Variants in NCEH1 observed in about 807,000 individuals in gnomAD.
NCEH1 encodes the protein 2-acetyl MAGE hydrolase.
In NCEH1, 9 loss-of-function variants were observed where a neutral mutation model predicts 25.4. The observed-to-expected ratio is 0.35, with a 90% CI of 0.21 to 0.62. The LOEUF is 0.62. Ranked by LOEUF, NCEH1 falls within the 20% of genes least tolerant of loss-of-function variation. The pLI is 0.72. For missense variants in NCEH1, 412 were observed against 501.1 expected (o/e 0.82, Z 1.70); for synonymous variants, 200 against 199.8 (o/e 1.00, Z -0.01).
intron 1 of NCEH1, among the ~76,000 whole-genome samples, chr3:172,676,765 G>A (rs1220359983): frequency 2.0e-5 from 3 of 152,080 alleles, no homozygotes; most frequent in Non-Finnish European, 1.5e-5. Context: ...TTCAGTCATC[G>A]GAGCCATGTC....
chr3:172,650,313 G>A (rs1047953024), intron 1 of NCEH1, among the ~76,000 whole-genome samples: 2 of 152,012 alleles, frequency 1.3e-5, no homozygotes, highest in African/African-American at 4.8e-5. Context: ...GACCAGCCTG[G>A]CCAACATGGT....
intron 1 of NCEH1, among the ~76,000 whole-genome samples, chr3:172,650,811 CGA>C (rs1491497026): frequency 2.3e-4 from 21 of 89,984 alleles, no homozygotes; most frequent in African/African-American, 1.0e-3. Flanking sequence ...GACTCTGCCT[CGA>C]AAAAAAAAAA....
At chr3:172,694,040 C>T (rs374355232) in intron 1 of NCEH1, among the ~76,000 whole-genome samples, 1 of 152,120 alleles carries the variant, frequency 6.6e-6, no homozygotes, top group Non-Finnish European at 1.5e-5. Flanking sequence ...ACTATAGGCA[C>T]GTGCCACCAC....
chr3:172,682,052 A>G (rs541421180), intron 1 of NCEH1, among the ~76,000 whole-genome samples: 1 of 152,354 alleles, frequency 6.6e-6, no homozygotes, highest in African/African-American at 2.4e-5. Context: ...GAACACAAGG[A>G]AAACACTATT....
At chr3:172,699,375 T>C (rs1434163529) in intron 1 of NCEH1, among the ~76,000 whole-genome samples, 2 of 152,192 alleles carry the variant, frequency 1.3e-5, no homozygotes, top group Non-Finnish European at 2.9e-5. Context: ...TTAGCACTTT[T>C]ATTCTACAGG....
chr3:172,635,816 C>A (rs1577049383), intron 4 of NCEH1, 100 bp downstream of exon 4: 1 of 1,134,900 alleles, frequency 8.8e-7, no homozygotes, highest in East Asian at 2.4e-5. Flanking sequence ...GACCGGCCCA[C>A]CCAGCTATGC....
chr3:172,646,234 A>G (rs1717115228), intron 2 of NCEH1, among the ~76,000 whole-genome samples: 2 of 152,190 alleles, frequency 1.3e-5, no homozygotes, highest in Admixed American at 6.5e-5. Context: ...GCACGCCTGC[A>G]GTCCCAGTTG....
chr3:172,657,268 G>C (rs1456567077), intron 1 of NCEH1, among the ~76,000 whole-genome samples: 1 of 152,050 alleles, frequency 6.6e-6, no homozygotes, highest in Non-Finnish European at 1.5e-5. Context: ...TCTTTCTCAA[G>C]CTTCCATACA....
chr3:172,676,199 G>A (rs983829874), intron 1 of NCEH1, among the ~76,000 whole-genome samples: 1 of 152,152 alleles, frequency 6.6e-6, no homozygotes, highest in Non-Finnish European at 1.5e-5. Flanking sequence ...AGGCTAAAAG[G>A]AGTTCTTGGT....
In NCEH1 at chr3:172,699,152, G is replaced by A. The variant is rs75539236; in HGVS notation, c.138+11695C>T. Among the ~76,000 whole-genome samples, 675 of 152,222 alleles carry A rather than the reference G, an allele frequency of 4.4e-3. 5 individuals are homozygous for A. Among genetic ancestry groups the A allele is most frequent in the South Asian group, 0.044 (210 of 4,824 alleles). On this transcript the variant is annotated intron_variant, in intron 1 of 4. Transcript: ENST00000475381. ...AGGGCAGTGAGAGGGAAAGAGACGG[G>A]GAAGTTCTCAAAAGAGATGATTTCT...
chr3:172,692,817 G>C (rs543483066), intron 1 of NCEH1, among the ~76,000 whole-genome samples: 3 of 152,324 alleles, frequency 2.0e-5, no homozygotes, highest in South Asian at 2.1e-4. Flanking sequence ...AGGTGGGCTA[G>C]TCCCACCCAT....
At chr3:172,682,371 T>G (rs117284549) in intron 1 of NCEH1, among the ~76,000 whole-genome samples, 2,882 of 152,268 alleles carry the variant, frequency 0.019, 123 homozygotes, top group Admixed American at 0.071. Context: ...TGTACTTCAA[T>G]TGTCCTACAC....
At chr3:172,693,008 C>T (rs931445099) in intron 1 of NCEH1, among the ~76,000 whole-genome samples, 6 of 152,306 alleles carry the variant, frequency 3.9e-5, no homozygotes, top group Admixed American at 2.6e-4. Flanking sequence ...GCCAGCACTT[C>T]CTCTGGGTTC....
intron 1 of NCEH1, among the ~76,000 whole-genome samples, chr3:172,689,018 T>G (rs1031550248): frequency 9.9e-5 from 15 of 152,206 alleles, no homozygotes; most frequent in African/African-American, 3.6e-4. Flanking sequence ...ACTAAACTTT[T>G]GTTTTGTTCT....
At chr3:172,675,432 A>T (rs529262094) in intron 1 of NCEH1, among the ~76,000 whole-genome samples, 20 of 144,126 alleles carry the variant, frequency 1.4e-4, no homozygotes, top group Admixed American at 4.2e-4. Context: ...TATAATTTTT[A>T]AAAAATTTTA....
intron 1 of NCEH1, among the ~76,000 whole-genome samples, chr3:172,675,302 C>CAAATAAATAAATAAATAAATAAAT (rs56201640): frequency 7.0e-5 from 10 of 142,392 alleles, no homozygotes; most frequent in African/African-American, 2.5e-4. Flanking sequence ...GATCCTGTCT[C>CAAATAAATAAATAAATAAATAAAT]AAATAAATAA....
intron 1 of NCEH1, among the ~76,000 whole-genome samples, chr3:172,673,800 A>C (rs932807991): frequency 2.6e-5 from 4 of 152,178 alleles, no homozygotes; most frequent in African/African-American, 9.7e-5. Context: ...ATTAAACCTC[A>C]GTATTCCTCT....
At chr3:172,706,236 C>A (rs541328593) in intron 1 of NCEH1, among the ~76,000 whole-genome samples, 2 of 151,864 alleles carry the variant, frequency 1.3e-5, no homozygotes, top group Non-Finnish European at 2.9e-5. Flanking sequence ...TACACCAATA[C>A]GAAAACTGAA....
At chr3:172,640,004 T>C (rs1456197085) in intron 3 of NCEH1, among the ~76,000 whole-genome samples, 5 of 152,326 alleles carry the variant, frequency 3.3e-5, no homozygotes, top group Non-Finnish European at 5.9e-5. Context: ...TTCAAACCTA[T>C]GCCCCCAAGC....
Sources: gnomAD v4.1 joint callset for allele counts (sites outside exome capture counted in the v4.1 genomes callset) on GRCh38, gnomAD v4.1.1 for gene constraint, MANE v1.5 for transcripts, NCBI Gene and HGNC (gene_info 2026-07-23, HGNC 2026-07-21) for gene names.